The following NKAIN3 variants were observed in gnomAD, a reference collection of about 807,000 sequenced individuals.
NKAIN3 encodes sodium/potassium-transporting ATPase subunit beta-1-interacting protein 3.
In NKAIN3, 25 loss-of-function variants were observed where a neutral mutation model predicts 30.2. That is an observed-to-expected ratio of 0.83 (90% CI 0.60 to 1.16). The LOEUF is 1.16. Ranked by LOEUF, NKAIN3 falls within the 50% of genes most tolerant of loss-of-function variation. The pLI is 0.00. For synonymous variants in NKAIN3, 91 were observed against 89.6 expected (o/e 1.02, Z -0.09); for missense variants, 225 against 254.1 (o/e 0.89, Z 0.78).
At position 62,612,353 on chromosome 8, in the gene NKAIN3, G is replaced by A. The variant is rs190823168; in HGVS notation, c.273+22559G>A. On this transcript the variant is annotated intron_variant, in intron 3 of 6. Coordinates refer to ENST00000623646, the MANE Select transcript of NKAIN3 (RefSeq NM_001304533.3). ...ATCCTCTTACTGAAATGATCCCTTTGTCGTTACATAGATACCCTCTTTGTC... is the reference window on the plus strand; with the variant it reads ...ATCCTCTTACTGAAATGATCCCTTTATCGTTACATAGATACCCTCTTTGTC... 9.2e-4 allele frequency among the ~76,000 whole-genome samples: 139 copies of A among 151,898 alleles called. 1 individual carries two copies. Among genetic ancestry groups the A allele is most frequent in the Middle Eastern group, 6.8e-3 (2 of 294 alleles).
chr8:62,577,053 G>T (rs2167498), intron 1 of NKAIN3, among the ~76,000 whole-genome samples: 1 of 151,940 alleles, frequency 6.6e-6, no homozygotes, highest in East Asian at 1.9e-4. Context: ...ATTTTTGAAG[G>T]CTTGTTGTTT....
In NKAIN3 at chr8:62,448,477, CAA is replaced by C. The variant is rs71255338; in HGVS notation, c.55-131050_55-131049del. Among the ~76,000 whole-genome samples, 322 of 139,720 alleles carry C rather than the reference CAA, an allele frequency of 2.3e-3. 1 individual carries two copies. Among genetic ancestry groups the C allele is most frequent in the African/African-American group, 5.2e-3 (194 of 37,040 alleles). 91.7% of individuals were successfully genotyped at this position (139,720 alleles called of 152,430 possible). On this transcript the variant is annotated intron_variant, in intron 1 of 6. Coordinates refer to ENST00000623646, the MANE Select transcript of NKAIN3 (RefSeq NM_001304533.3). Reference sequence around the variant, plus strand: ...CATATTGTAGAGCTTCTAGAAAATCCAAAAAAAAAAAAAGATAAAAAGAAAAA... The same window carrying C: ...CATATTGTAGAGCTTCTAGAAAATCCAAAAAAAAAAAGATAAAAAGAAAAA...
chr8:62,500,941 T>C (rs1337092306), intron 1 of NKAIN3, among the ~76,000 whole-genome samples: 1 of 152,180 alleles, frequency 6.6e-6, no homozygotes, highest in African/African-American at 2.4e-5. Flanking sequence ...TAACGGGGAT[T>C]GCTAGGCCAA....
chr8:62,314,820 T>C (rs951660926), intron 1 of NKAIN3, among the ~76,000 whole-genome samples: 1 of 152,218 alleles, frequency 6.6e-6, no homozygotes, highest in Non-Finnish European at 1.5e-5. Flanking sequence ...CACTTTGTGA[T>C]GTATTTAATA....
rs1474086469 is a variant in NKAIN3, at chr8:62,970,762, T to C, written c.*5355T>C. ...CAGTTTTTAACTCAGAATTTTGTTC[T>C]TGTTTCTTTGATTGACTAAAAACAT... is the stretch of plus-strand genomic sequence containing the variant. On this transcript the variant is annotated 3_prime_UTR_variant, in exon 7 of 7. Coordinates refer to ENST00000623646, the MANE Select transcript of NKAIN3 (RefSeq NM_001304533.3). 9.9e-5 allele frequency among the ~76,000 whole-genome samples: 15 copies of C among 152,248 alleles called. No homozygotes were observed.
chr8:62,570,952 A>G (rs1809916448), intron 1 of NKAIN3, among the ~76,000 whole-genome samples: 1 of 152,304 alleles, frequency 6.6e-6, no homozygotes, highest in South Asian at 2.1e-4. Flanking sequence ...ATTAAAGTGT[A>G]TTGTATGACT....
At chr8:62,569,070 C>T (rs183154840) in intron 1 of NKAIN3, among the ~76,000 whole-genome samples, 2 of 152,232 alleles carry the variant, frequency 1.3e-5, no homozygotes, top group Admixed American at 6.5e-5. Flanking sequence ...GTCTGTTGGT[C>T]GAACTGCATC....
At chr8:62,497,721 C>T (rs950085773) in intron 1 of NKAIN3, among the ~76,000 whole-genome samples, 1 of 152,116 alleles carries the variant, frequency 6.6e-6, no homozygotes, top group Non-Finnish European at 1.5e-5. Context: ...TTGAACCTGA[C>T]ACTGAAGCTC....
intron 1 of NKAIN3, among the ~76,000 whole-genome samples, chr8:62,505,291 C>G (rs1807595363): frequency 6.6e-6 from 1 of 152,058 alleles, no homozygotes; most frequent in African/African-American, 2.4e-5. Context: ...TATTGAAAAG[C>G]AACTAACAAG....
chr8:62,779,597 A>G (rs1009094556), intron 4 of NKAIN3, among the ~76,000 whole-genome samples: 10 of 152,160 alleles, frequency 6.6e-5, no homozygotes, highest in African/African-American at 2.4e-4. Context: ...TTTACACTGC[A>G]TGTTAGACCA....
At chr8:62,315,463 G>A (rs1056120625) in intron 1 of NKAIN3, among the ~76,000 whole-genome samples, 13 of 152,172 alleles carry the variant, frequency 8.5e-5, no homozygotes, top group African/African-American at 2.7e-4. Context: ...GTATTTCATA[G>A]AAGTTGATTT....
At position 62,971,809 on chromosome 8, in the gene NKAIN3, C is replaced by T. The variant is rs181042450; in HGVS notation, c.*6402C>T. Among the ~76,000 whole-genome samples, 113 of 152,264 alleles carry T rather than the reference C, an allele frequency of 7.4e-4. 1 individual carries two copies. Among genetic ancestry groups the T allele is most frequent in the African/African-American group, 2.6e-3 (110 of 41,554 alleles). On this transcript the variant is annotated 3_prime_UTR_variant, in exon 7 of 7. Transcript: ENST00000623646. The stretch of plus-strand genomic sequence containing the variant: ...AAAAATGTACATATATTCTTCAGTA[C>T]TGTGAGAGATTTAATCATCAAGTAT...
chr8:62,894,953 C>A (rs1821389963), intron 4 of NKAIN3, among the ~76,000 whole-genome samples: 1 of 152,170 alleles, frequency 6.6e-6, no homozygotes, highest in South Asian at 2.1e-4. Flanking sequence ...GCAGTCAGCT[C>A]CCTTTAAAGA....
intron 4 of NKAIN3, among the ~76,000 whole-genome samples, chr8:62,811,127 T>G (rs1453594025): frequency 1.3e-5 from 2 of 152,132 alleles, no homozygotes; most frequent in African/African-American, 2.4e-5. Flanking sequence ...ATCTCAAGAA[T>G]TTTTTACAAA....
intron 3 of NKAIN3, among the ~76,000 whole-genome samples, chr8:62,623,412 A>G (rs184750653): frequency 2.2e-3 from 328 of 152,222 alleles, no homozygotes; most frequent in African/African-American, 7.3e-3. Flanking sequence ...TACAAGAATA[A>G]TTCCTCTATC....
chr8:62,429,911 G>T (rs1223368455), intron 1 of NKAIN3, among the ~76,000 whole-genome samples: 1 of 151,622 alleles, frequency 6.6e-6, no homozygotes, highest in African/African-American at 2.4e-5. Flanking sequence ...TTATAATGTT[G>T]TGCAGCCACC....
At chr8:62,358,385 T>C (rs1031767112) in intron 1 of NKAIN3, among the ~76,000 whole-genome samples, 2 of 152,102 alleles carry the variant, frequency 1.3e-5, no homozygotes, top group Admixed American at 1.3e-4. Context: ...ATTAAAGCCA[T>C]TTAATGCATT....
chr8:62,877,236 G>A (rs1303097652), intron 4 of NKAIN3, among the ~76,000 whole-genome samples: 1 of 152,082 alleles, frequency 6.6e-6, no homozygotes, highest in East Asian at 1.9e-4. Flanking sequence ...GACTAGTAGT[G>A]AAAAAAATAC....
chr8:62,792,580 C>A (rs897456351), intron 4 of NKAIN3, among the ~76,000 whole-genome samples: 1 of 6,756 alleles, frequency 1.5e-4, no homozygotes, highest in Non-Finnish European at 4.8e-4. Context: ...ACCCCATAGC[C>A]CTGTAGGTAA....
Sources: allele counts gnomAD v4.1 joint callset (sites outside exome capture counted in the v4.1 genomes callset), GRCh38; gene constraint gnomAD v4.1.1; transcripts MANE v1.5; gene names NCBI Gene and HGNC (gene_info 2026-07-23, HGNC 2026-07-21).